The following ZNF518A variants were observed in gnomAD, a reference collection of about 807,000 sequenced individuals.
ZNF518A encodes zinc finger protein 518A.
In ZNF518A, 47 loss-of-function variants were observed where a neutral mutation model predicts 102.7. The ratio of observed to expected loss-of-function variants is 0.46; its 90% CI spans 0.36 to 0.58. The LOEUF (loss-of-function observed/expected upper bound fraction) is 0.58. Among genes scored for constraint, ZNF518A ranks in the 20% least tolerant of loss-of-function variants. The pLI, the probability that ZNF518A is intolerant of heterozygous loss-of-function variation, is 0.00. For missense variants in ZNF518A, 1,793 were observed against 1,699.8 expected (o/e 1.05, Z -0.96); for synonymous variants, 652 against 594.6 (o/e 1.10, Z -1.40).
At position 96,160,650 on chromosome 10, in the gene ZNF518A, A is replaced by G. The variant is rs1554887509; in HGVS notation, c.4328A>G (p.Asn1443Ser). Residue 1443 changes from asparagine (N) to serine (S), a missense_variant, in exon 6 of 6, where the codon AAT becomes AGT. This residue lies in a region of ZNF518A where 30 missense variants were observed against 61.1 expected (regional missense o/e 0.49). Transcript: ENST00000316045. ...NYQIVKTTSE[N>S]ILKAKFNCWF... ...CAGATTGTGAAGACTACCTCTGAAA[A>G]TATTTTGAAGGCTAAATTTAACTGT... The G allele has an allele frequency of 1.2e-6, 2 of 1,613,246 alleles. No individual in the cohort carries two copies. Among genetic ancestry groups the G allele is most frequent in the East Asian group, 2.2e-5 (1 of 44,862 alleles).
rs782404931 is a variant in ZNF518A, at chr10:96,157,852, A to G, written c.1530A>G (p.Ala510=). Residue 510 remains alanine (A), a synonymous_variant, in exon 6 of 6, where the codon GCA becomes GCG. Transcript: ENST00000316045. ...TAAATGACACAGTTTATATGAAAGC[A>G]GCTACTCCATTTTCATGTTCATCTT... ...TELNDTVYMK[A]ATPFSCSSSI... 1 of 1,613,936 alleles carries G rather than the reference A, an allele frequency of 6.2e-7. No individual in the cohort carries two copies. The highest frequency in any genetic ancestry group is 8.5e-7 in the Non-Finnish European group (1 of 1,179,806).
intron 3 of ZNF518A, among the ~76,000 whole-genome samples, chr10:96,141,012 G>T (rs868956773): frequency 9.2e-5 from 14 of 152,074 alleles, no homozygotes; most frequent in Non-Finnish European, 1.9e-4. Context: ...CCAAATTATT[G>T]CAGCAAAAAA....
chr10:96,188,086 G>A (rs782228379), intron 1 of ZNF518A, among the ~76,000 whole-genome samples: 1 of 152,180 alleles, frequency 6.6e-6, no homozygotes, highest in Non-Finnish European at 1.5e-5. Context: ...CTGGCCTCAA[G>A]TGATCCACCT....
intron 1 of ZNF518A, among the ~76,000 whole-genome samples, chr10:96,201,897 A>AAT (rs1564815127): frequency 6.6e-6 from 1 of 151,838 alleles, no homozygotes; most frequent in Admixed American, 6.6e-5. Context: ...ATAAGTAAAA[A>AAT]ATATATATAT....
chr10:96,137,716 G>A (rs1296822304), intron 3 of ZNF518A, among the ~76,000 whole-genome samples: 1 of 152,086 alleles, frequency 6.6e-6, no homozygotes, highest in Non-Finnish European at 1.5e-5. Context: ...TCAGGCCTTG[G>A]ACTGCTCTTT....
Position 96,161,614 on chromosome 10 carries a change from A to G in ZNF518A, c.*840A>G, listed in dbSNP as rs1485318780. 1 of 166,860 alleles carries G rather than the reference A, an allele frequency of 6.0e-6. No homozygotes were observed. The highest frequency in any genetic ancestry group is 2.4e-5 in the African/African-American group (1 of 41,462). The allele number at this position is 166,860 out of a possible 1,614,324, so 10.3% of individuals were successfully genotyped here. A position where few individuals can be genotyped will look rare whatever the true frequency, so the allele number is the denominator to read the frequency against. ...ATCTCATGTTTGTCCTCCATAAACA[A>G]ATGGCCATTTTTTTCTTCTTGGTTC... On this transcript the variant is annotated 3_prime_UTR_variant, in exon 6 of 6. Coordinates refer to ENST00000316045, the MANE Select transcript of ZNF518A (RefSeq NM_001330736.2).
chr10:96,138,120 A>G (rs1464518068), intron 3 of ZNF518A, among the ~76,000 whole-genome samples: 2 of 152,036 alleles, frequency 1.3e-5, no homozygotes. Context: ...CCAAACCACC[A>G]TCAACTCTTA....
intron 1 of ZNF518A, among the ~76,000 whole-genome samples, chr10:96,175,327 C>G (rs1273416056): frequency 1.3e-5 from 2 of 152,180 alleles, no homozygotes; most frequent in African/African-American, 4.8e-5. Flanking sequence ...TGGGGCAATT[C>G]ATGCCTTACA....
chr10:96,170,743 C>T (rs78591058), intron 1 of ZNF518A, among the ~76,000 whole-genome samples: 12 of 152,090 alleles, frequency 7.9e-5, no homozygotes, highest in African/African-American at 2.2e-4. Flanking sequence ...TTAACTTCAT[C>T]GAAATTTGAA....
chr10:96,138,426 T>C (rs2142420417), intron 3 of ZNF518A, among the ~76,000 whole-genome samples: 1 of 152,308 alleles, frequency 6.6e-6, no homozygotes, highest in South Asian at 2.1e-4. Context: ...GTTAGGCACA[T>C]TGCACACTCA....
Position 96,139,095 on chromosome 10 carries a change from G to T in ZNF518A, c.-302+5447G>T, listed in dbSNP as rs587656453. On this transcript the variant is annotated intron_variant, in intron 3 of 5. Transcript: ENST00000316045. ...CAAGTAGGGAACAGCAGGTGCAAAG[G>T]CCTGAGATAGGATGGATAGGAAGAA... Among the ~76,000 whole-genome samples, 120 of 152,138 alleles carry T rather than the reference G, an allele frequency of 7.9e-4. 1 individual carries two copies. The highest frequency in any genetic ancestry group is 2.7e-3 in the African/African-American group (110 of 41,474).
At chr10:96,183,167 A>G (rs587744180) in intron 1 of ZNF518A, among the ~76,000 whole-genome samples, 13 of 152,080 alleles carry the variant, frequency 8.5e-5, no homozygotes, top group African/African-American at 3.1e-4. Context: ...CGGTGGTGAT[A>G]TCCCCTTTAT....
At chr10:96,183,709 T>G (rs145851399) in intron 1 of ZNF518A, among the ~76,000 whole-genome samples, 2,054 of 152,306 alleles carry the variant, frequency 0.013, 43 homozygotes, top group African/African-American at 0.046. Flanking sequence ...TCTTCTGCAT[T>G]TGCTGAGGAG....
At chr10:96,201,119 C>T (rs1314781649) in intron 1 of ZNF518A, 4 of 1,430,486 alleles carry the variant, frequency 2.8e-6, no homozygotes, top group Non-Finnish European at 3.9e-6. Flanking sequence ...CTTTCTATGC[C>T]TATCCCCTAA....
chr10:96,189,122 A>G (rs1445363558), intron 1 of ZNF518A, among the ~76,000 whole-genome samples: 4 of 152,162 alleles, frequency 2.6e-5, no homozygotes, highest in Non-Finnish European at 4.4e-5. Flanking sequence ...CACTGCTACT[A>G]CTATGTCCTA....
intron 1 of ZNF518A, among the ~76,000 whole-genome samples, chr10:96,183,984 A>C (rs2083255676): frequency 6.6e-6 from 1 of 152,176 alleles, no homozygotes; most frequent in Non-Finnish European, 1.5e-5. Flanking sequence ...TTGCTTTATG[A>C]ATCTGGGTGC....
intron 3 of ZNF518A, among the ~76,000 whole-genome samples, chr10:96,148,779 G>C (rs1439579009): frequency 6.6e-6 from 1 of 152,186 alleles, no homozygotes; most frequent in African/African-American, 2.4e-5. Flanking sequence ...GCAGTGGCAT[G>C]GTCTCGGCTC....
chr10:96,145,430 C>T (rs1037082563), intron 3 of ZNF518A, among the ~76,000 whole-genome samples: 2 of 152,174 alleles, frequency 1.3e-5, no homozygotes, highest in African/African-American at 2.4e-5. Context: ...TGTATTAATT[C>T]CCATTACTTT....
chr10:96,143,067 C>A (rs1202177521), intron 3 of ZNF518A, among the ~76,000 whole-genome samples: 1 of 152,144 alleles, frequency 6.6e-6, no homozygotes, highest in Non-Finnish European at 1.5e-5. Context: ...TTTGGCCTCG[C>A]AAAGTGTTGG....
Sources: allele counts gnomAD v4.1 joint callset (sites outside exome capture counted in the v4.1 genomes callset), GRCh38; gene constraint gnomAD v4.1.1; regional missense constraint gnomAD v4.1.1; transcripts MANE v1.5; gene names NCBI Gene and HGNC (gene_info 2026-07-23, HGNC 2026-07-21).